SRPRB: variants seen among roughly 807,000 people sequenced by gnomAD.
The protein encoded by SRPRB is SRP receptor subunit beta, also known as signal recognition particle receptor subunit beta.
A neutral mutation model predicts 31.9 loss-of-function variants in SRPRB; 20 were observed. The observed-to-expected ratio is 0.63, with a 90% confidence interval of 0.44 to 0.91. The LOEUF (loss-of-function observed/expected upper bound fraction) is 0.91. SRPRB is among the 40% of genes least tolerant of loss of function. SRPRB has a pLI of 0.00. For synonymous variants in SRPRB, 146 were observed against 132.8 expected (o/e 1.10, Z -0.68); for missense variants, 321 against 324.9 (o/e 0.99, Z 0.09).
chr3:133,792,982 C>A (rs1236903361), intron 1 of SRPRB: 1 of 152,090 alleles, frequency 6.6e-6, no homozygotes, highest in Non-Finnish European at 1.5e-5. Context: ...GAGAATCTCA[C>A]CTTATGGTCA....
At chr3:133,828,157 A>G, downstream of SRPRB, 1 of 598,430 alleles carries the variant, frequency 1.7e-6, no homozygotes, top group Admixed American at 2.8e-5. Context: ...CCTTGGTCTC[A>G]GCTCCACACG....
At chr3:133,822,248 G>A (rs932260248), downstream of SRPRB, among the ~76,000 whole-genome samples, 5 of 152,028 alleles carry the variant, frequency 3.3e-5, no homozygotes, top group Admixed American at 6.5e-5. Context: ...TATGGACACC[G>A]AGACCTCCTA....
At chr3:133,804,537 T>C (rs1300555184), upstream of SRPRB, among the ~76,000 whole-genome samples, 1 of 152,178 alleles carries the variant, frequency 6.6e-6, no homozygotes, top group African/African-American at 2.4e-5. Flanking sequence ...AAGGATGGCA[T>C]CAGTACTAGG....
At chr3:133,796,704 A>G (rs1934980766) in intron 1 of SRPRB, 1 of 152,200 alleles carries the variant, frequency 6.6e-6, no homozygotes, top group Non-Finnish European at 1.5e-5. Flanking sequence ...AAGAACCTGG[A>G]CACCCTCCAG....
rs781392913 is a variant in SRPRB at position 133,805,826 on chromosome 3, A to C, written c.-23A>C. The stretch of plus-strand genomic sequence containing the variant: ...TGCAGGGCCACGTCGCTTTTGCTGT[A>C]CCGGGGACCACGCGTCTCATCCATG... On this transcript the variant is annotated 5_prime_UTR_variant, in exon 1 of 7. Coordinates refer to ENST00000678299, the MANE Select transcript of SRPRB (RefSeq NM_001379313.1). 6.9e-6 allele frequency: 11 copies of C among 1,595,798 alleles called. No individual in the cohort carries two copies. Among genetic ancestry groups the C allele is most frequent in the African/African-American group, 1.3e-5 (1 of 74,626 alleles).
rs749596128 is a variant in SRPRB at position 133,805,831 on chromosome 3, G to C, written c.-18G>C. ...GGCCACGTCGCTTTTGCTGTACCGG[G>C]GACCACGCGTCTCATCCATGGCTTC... On this transcript the variant is annotated 5_prime_UTR_variant, in exon 1 of 7. Transcript: ENST00000678299. The C allele has an allele frequency of 1.4e-5, 23 of 1,599,348 alleles. No individual in the cohort carries two copies. The highest frequency in any genetic ancestry group is 2.0e-5 in the Non-Finnish European group (23 of 1,173,174).
chr3:133,807,214 A>G (rs917144452), intron 2 of SRPRB, among the ~76,000 whole-genome samples: 22 of 149,880 alleles, frequency 1.5e-4, no homozygotes, highest in Non-Finnish European at 3.3e-4. Flanking sequence ...TTTTGAGAGT[A>G]TAAATTATTT....
At chr3:133,803,037 C>G (rs773435287), upstream of SRPRB, among the ~76,000 whole-genome samples, 1 of 152,162 alleles carries the variant, frequency 6.6e-6, no homozygotes, top group Non-Finnish European at 1.5e-5. Context: ...TCACATCCTA[C>G]GTATTTTAAC....
At chr3:133,808,750 G>T (rs549572477) in intron 3 of SRPRB, among the ~76,000 whole-genome samples, 1 of 151,792 alleles carries the variant, frequency 6.6e-6, no homozygotes, top group African/African-American at 2.4e-5. Context: ...AATTAGCCGG[G>T]TGTGGTGGTG....
At chr3:133,804,401 A>G (rs1178426537), upstream of SRPRB, among the ~76,000 whole-genome samples, 1 of 152,206 alleles carries the variant, frequency 6.6e-6, no homozygotes, top group Non-Finnish European at 1.5e-5. Context: ...GGGACTACGC[A>G]TGCCATAGTC....
chr3:133,784,198 C>G (rs1416713418), intron 1 of SRPRB: 3 of 152,260 alleles, frequency 2.0e-5, no homozygotes, highest in Admixed American at 6.5e-5. Context: ...TCGCCCAGCT[C>G]GTCTTCCTTC....
intron 1 of SRPRB, chr3:133,792,210 G>T (rs1052455838): frequency 9.9e-5 from 15 of 152,146 alleles, no homozygotes; most frequent in African/African-American, 3.6e-4. Flanking sequence ...AAAGAAAGGA[G>T]ATTTTATATA....
At position 133,807,813 on chromosome 3, in the gene SRPRB, A is replaced by G. The variant is rs377433015; in HGVS notation, c.317A>G (p.Asn106Ser). 23 of 1,610,402 alleles carry G rather than the reference A, an allele frequency of 1.4e-5. No individual in the cohort carries two copies. Among genetic ancestry groups the G allele is most frequent in the African/African-American group, 4.0e-5 (3 of 74,800 alleles). Residue 106 changes from asparagine to serine, a missense_variant, in exon 3 of 7, where the codon AAC (asparagine) becomes AGC (serine). Transcript: ENST00000678299. Reference sequence around the variant, plus strand: ...GACAGCTGTGCTGTATACAGAGTCAACAATAACAGGGTAAGATGTTTGTGG... The same window carrying G: ...GACAGCTGTGCTGTATACAGAGTCAGCAATAACAGGGTAAGATGTTTGTGG... ...ITDSCAVYRV[N>S]NNRGNSLTLI...
At chr3:133,827,171 C>G (rs1384556503), downstream of SRPRB, 3 of 152,328 alleles carry the variant, frequency 2.0e-5, no homozygotes, top group Non-Finnish European at 4.4e-5. Flanking sequence ...CACTTACTGC[C>G]TGCCATTTCA....
intron 2 of SRPRB, among the ~76,000 whole-genome samples, chr3:133,807,194 T>C (rs1935177821): frequency 2.0e-5 from 3 of 152,206 alleles, no homozygotes; most frequent in African/African-American, 4.8e-5. Context: ...TTCTGCTTTT[T>C]AACTCTTCTT....
intron 1 of SRPRB, among the ~76,000 whole-genome samples, chr3:133,797,687 T>G (rs553467324): frequency 6.6e-6 from 1 of 152,116 alleles, no homozygotes; most frequent in African/African-American, 2.4e-5. Flanking sequence ...GGCCCGTGAG[T>G]TAGATTAGTT....
At position 133,807,775 on chromosome 3, in the gene SRPRB, G is replaced by C; in HGVS notation, c.279G>C (p.Gln93His). ...TAACAGGCCTTTATAGAGACACTCA[G>C]ACGTCCATTACTGACAGCTGTGCTG... ...RLLTGLYRDT[Q>H]TSITDSCAVY... Residue 93 changes from glutamine to histidine, a missense_variant, in exon 3 of 7, where the codon CAG becomes CAC. Coordinates refer to ENST00000678299, the MANE Select transcript of SRPRB (RefSeq NM_001379313.1). 1 of 1,612,898 alleles carries C rather than the reference G, an allele frequency of 6.2e-7. No individual in the cohort carries two copies. The highest frequency in any genetic ancestry group is 1.1e-5 in the South Asian group (1 of 90,664).
At chr3:133,816,774 G>T (rs1935373638) in intron 5 of SRPRB, 104 bp from the exon 6 acceptor site, 21 of 851,806 alleles carry the variant, frequency 2.5e-5, no homozygotes, top group Non-Finnish European at 3.5e-5. Flanking sequence ...TAAAAAAAGA[G>T]AAAAACTTAC....
chr3:133,819,725 G>A lies in SRPRB; in HGVS notation c.775G>A (p.Asp259Asn). The A allele has an allele frequency of 1.9e-6, 3 of 1,614,170 alleles. No individual in the cohort carries two copies. The highest frequency in any genetic ancestry group is 2.5e-6 in the Non-Finnish European group (3 of 1,180,038). Residue 259 changes from aspartate to asparagine, a missense_variant, in exon 7 of 7, where the codon GAC becomes AAC. Physicochemically the swap from Asp to Asn is conservative, Grantham distance 23. Transcript: ENST00000678299. The part of the protein sequence containing the change: ...KGGRGDVGSA[D>N]IQDLEKWLAK... The stretch of plus-strand genomic sequence containing the variant: ...TGGAAGAGGGGACGTGGGCTCTGCT[G>A]ACATCCAGGACTTGGAGAAATGGCT...
Sources: allele counts gnomAD v4.1 joint callset (sites outside exome capture counted in the v4.1 genomes callset), GRCh38; gene constraint gnomAD v4.1.1; transcripts MANE v1.5; gene names NCBI Gene and HGNC (gene_info 2026-07-23, HGNC 2026-07-21).